The following AFF1 variants were observed in gnomAD, a reference collection of about 807,000 sequenced individuals.
AFF1 encodes ALF transcription elongation factor 1, also known as AF4/FMR2 family member 1.
AFF1 carries 48 observed loss-of-function variants against 121.7 expected under a neutral mutation model. That is an observed-to-expected ratio of 0.39 (90% CI 0.31 to 0.50). The LOEUF (loss-of-function observed/expected upper bound fraction) is 0.50. Among genes scored for constraint, AFF1 ranks in the 20% least tolerant of loss-of-function variants. AFF1 has a pLI of 0.76. For synonymous variants in AFF1, 613 were observed against 563.0 expected (o/e 1.09, Z -1.26); for missense variants, 1,523 against 1,511.7 (o/e 1.01, Z -0.12).
chr4:87,054,348 G>T (rs1297653125), intron 4 of AFF1, among the ~76,000 whole-genome samples: 2 of 152,172 alleles, frequency 1.3e-5, no homozygotes, highest in Non-Finnish European at 2.9e-5. Flanking sequence ...TGAACTGATG[G>T]ATGGGGCTTT....
Position 87,134,558 on chromosome 4 carries a change from C to T in AFF1, c.3399C>T (p.Ser1133=). 2 of 1,614,044 alleles carry T rather than the reference C, an allele frequency of 1.2e-6. No homozygotes were observed. The highest frequency in any genetic ancestry group is 1.7e-6 in the Non-Finnish European group (2 of 1,179,978). Residue 1133 remains serine, a synonymous_variant, in exon 20 of 21, where the codon AGC becomes AGT. Coordinates refer to ENST00000395146, the MANE Select transcript of AFF1 (RefSeq NM_001166693.3). ...AGTCAAGTGCTGGCAGTGTGGGGAG[C>T]AGTGGGGTGGCTGCCACTATCAGCA... ...GSQSSAGSVG[S]SGVAATISTP... is the part of the protein sequence containing the mutation.
intron 2 of AFF1, among the ~76,000 whole-genome samples, chr4:86,959,491 CTTTTT>C (rs34054629): frequency 1.0e-5 from 1 of 97,996 alleles, no homozygotes; most frequent in Admixed American, 1.1e-4. Context: ...CCTTAATACT[CTTTTT>C]TTTTTTTTTT....
intron 2 of AFF1, among the ~76,000 whole-genome samples, chr4:86,982,876 G>GAA (rs1723885040): frequency 8.4e-6 from 1 of 119,522 alleles, no homozygotes; most frequent in African/African-American, 3.5e-5. Context: ...AAAAAAAAAA[G>GAA]GAAGCTTGTT....
chr4:86,999,861 C>T (rs907825674), intron 2 of AFF1, among the ~76,000 whole-genome samples: 3 of 151,974 alleles, frequency 2.0e-5, no homozygotes, highest in East Asian at 1.9e-4. Context: ...TGGGTGGTAG[C>T]GTTTACAGAG....
intron 2 of AFF1, chr4:87,007,159 A>G: frequency 7.6e-7 from 1 of 1,323,994 alleles, no homozygotes; most frequent in Non-Finnish European, 9.6e-7. Context: ...GCTCGTCTGA[A>G]GTGCAGATCG....
At chr4:87,126,914 G>C in intron 14 of AFF1, 112 bp from the exon 15 acceptor site, 1 of 898,988 alleles carries the variant, frequency 1.1e-6, no homozygotes, top group Non-Finnish European at 1.8e-6. Flanking sequence ...TGCATTGTTT[G>C]ATTTACTCTT....
chr4:87,028,599 G>A (rs906190651), intron 2 of AFF1, among the ~76,000 whole-genome samples: 4 of 152,044 alleles, frequency 2.6e-5, no homozygotes, highest in African/African-American at 4.8e-5. Context: ...AATTCCTTGA[G>A]GTCTCAGACC....
intron 10 of AFF1, 54 bp downstream of exon 10, chr4:87,105,899 A>C: frequency 6.3e-7 from 1 of 1,590,998 alleles, no homozygotes; most frequent in Non-Finnish European, 8.6e-7. Flanking sequence ...TTTTTACCAA[A>C]TGGGAAAAAT....
At chr4:87,035,447 G>C (rs536467867) in intron 2 of AFF1, among the ~76,000 whole-genome samples, 1 of 152,264 alleles carries the variant, frequency 6.6e-6, no homozygotes, top group South Asian at 2.1e-4. Context: ...TGTAGTCCCA[G>C]CTACTCAGGA....
At chr4:87,027,827 G>A (rs533362693) in intron 2 of AFF1, among the ~76,000 whole-genome samples, 5 of 116,768 alleles carry the variant, frequency 4.3e-5, no homozygotes, top group Admixed American at 1.2e-4. Flanking sequence ...TCTCACTGTC[G>A]CCCAGACTGG....
intron 1 of AFF1, among the ~76,000 whole-genome samples, chr4:86,945,791 C>G (rs1720819345): frequency 6.6e-6 from 1 of 151,900 alleles, no homozygotes; most frequent in Non-Finnish European, 1.5e-5. Context: ...CATGCTTGGC[C>G]CATGGAGGAT....
At position 87,134,680 on chromosome 4, in the gene AFF1, C is replaced by T. The variant is rs780205273; in HGVS notation, c.3521C>T (p.Thr1174Met). The change falls in exon 20 of 21, where the codon ACG (threonine) becomes ATG (methionine). Residue 1174 changes from threonine (T) to methionine (M), a missense_variant. Physicochemically the swap from Thr to Met is moderately conservative, Grantham distance 81 (BLOSUM62 -1). This residue lies in a region of AFF1 where 241 missense variants were observed against 265.2 expected (regional missense o/e 0.91). Transcript: ENST00000395146. ...CTTTGGGAACAGGCCGAGGCCCTCA[C>T]GAGGAAGAATAAAGGTAAATAAATG... is the stretch of plus-strand genomic sequence containing the variant. ...FDLWEQAEAL[T>M]RKNKEFFARL... is the part of the protein sequence containing the mutation. 6.8e-6 allele frequency: 11 copies of T among 1,612,782 alleles called. No individual in the cohort carries two copies. The highest frequency in any genetic ancestry group is 3.3e-5 in the Admixed American group (2 of 59,976).
At chr4:87,110,942 A>C (rs1221729945) in intron 11 of AFF1, among the ~76,000 whole-genome samples, 2 of 152,086 alleles carry the variant, frequency 1.3e-5, no homozygotes. Flanking sequence ...AAGATAAAAT[A>C]TTCCCAGGAT....
chr4:86,970,490 C>T (rs1383081345), intron 2 of AFF1, among the ~76,000 whole-genome samples: 10 of 152,084 alleles, frequency 6.6e-5, no homozygotes, highest in Non-Finnish European at 1.3e-4. Flanking sequence ...ATATTTGGAG[C>T]GCTTGTTGCA....
intron 1 of AFF1, among the ~76,000 whole-genome samples, chr4:86,945,276 T>C (rs1720769498): frequency 6.6e-6 from 1 of 152,034 alleles, no homozygotes; most frequent in South Asian, 2.1e-4. Flanking sequence ...CACTACTCTG[T>C]TTTTAAATAG....
chr4:87,115,414 C>T, intron 12 of AFF1, 115 bp downstream of exon 12: 1 of 1,088,734 alleles, frequency 9.2e-7, no homozygotes, highest in Non-Finnish European at 1.3e-6. Flanking sequence ...CAAGTCTTTG[C>T]TTTGATTCGC....
chr4:86,995,268 T>C (rs28567446), intron 2 of AFF1, among the ~76,000 whole-genome samples: 3,740 of 92,862 alleles, frequency 0.04, 208 homozygotes, highest in African/African-American at 0.15. Flanking sequence ...ATCTACCCCC[T>C]TCCCCCTCCC....
intron 8 of AFF1, among the ~76,000 whole-genome samples, chr4:87,099,690 T>C (rs1180581787): frequency 6.6e-6 from 1 of 152,216 alleles, no homozygotes; most frequent in African/African-American, 2.4e-5. Flanking sequence ...ATTACAGGCG[T>C]GAGCCACTGT....
Position 87,119,786 on chromosome 4 carries a change from T to C in AFF1, c.2466+4487T>C, listed in dbSNP as rs2149780556. On this transcript the variant is annotated intron_variant, in intron 12 of 20. Transcript: ENST00000395146. ...TTTTTACTTTTTCTAAATAATCGCTTTGCTGACCAAGACACTTCAACTTTT... is the reference window on the plus strand; with the variant it reads ...TTTTTACTTTTTCTAAATAATCGCTCTGCTGACCAAGACACTTCAACTTTT... Among the ~76,000 whole-genome samples the C allele has an allele frequency of 1.3e-5, 2 of 152,332 alleles. 1 individual carries two copies. Among genetic ancestry groups the C allele is most frequent in the Non-Finnish European group, 2.9e-5 (2 of 68,028 alleles).
Sources: gnomAD v4.1 joint callset for allele counts (sites outside exome capture counted in the v4.1 genomes callset) on GRCh38, gnomAD v4.1.1 for gene constraint, gnomAD v4.1.1 regional missense constraint, MANE v1.5 for transcripts, NCBI Gene and HGNC (gene_info 2026-07-23, HGNC 2026-07-21) for gene names.